The following CCDC144A variants were observed in gnomAD, a reference collection of about 807,000 sequenced individuals.
CCDC144A encodes coiled-coil domain-containing protein 144A.
Under a neutral mutation model 143.8 loss-of-function variants are expected in CCDC144A, and 41 were observed. The ratio of observed to expected loss-of-function variants is 0.29; its 90% confidence interval spans 0.22 to 0.37. The LOEUF is 0.37. Ranked by LOEUF, CCDC144A falls within the 10% of genes least tolerant of loss-of-function variation. CCDC144A has a pLI of 1.00. For missense variants in CCDC144A, 637 were observed against 1,488.8 expected (o/e 0.43, Z 9.41); for synonymous variants, 242 against 517.9 (o/e 0.47, Z 7.23).
intron 12 of CCDC144A, among the ~76,000 whole-genome samples, chr17:16,748,769 GT>G (rs1228361763): frequency 6.6e-6 from 1 of 152,122 alleles, no homozygotes; most frequent in Non-Finnish European, 1.5e-5. Flanking sequence ...TTCAGAGCTT[GT>G]TATTTGTCTG....
At chr17:16,753,434 T>TGTTG (rs1307923345) in intron 12 of CCDC144A, among the ~76,000 whole-genome samples, 43 of 118,568 alleles carry the variant, frequency 3.6e-4, no homozygotes, top group South Asian at 1.5e-3. Flanking sequence ...TGTAGTTTTT[T>TGTTG]TTTTTTTTTT....
rs542925172 is a variant in CCDC144A, at chr17:16,738,662, C to T, written c.3372+3019C>T. ...GCTGAGTAATTTTCCACTGTATGGA[C>T]ATACCACTAATTTATTTAGCCATTC... is the stretch of plus-strand genomic sequence containing the variant. On this transcript the variant is annotated intron_variant, in intron 12 of 16. Coordinates refer to ENST00000399273, the MANE Select transcript of CCDC144A (RefSeq NM_001382000.1). Among the ~76,000 whole-genome samples the T allele has an allele frequency of 3.3e-5, 5 of 152,324 alleles. No individual in the cohort carries two copies. The South Asian group carries it at 1.0e-3, about 32-fold the overall frequency.
chr17:16,744,478 CAT>C (rs200800494), intron 12 of CCDC144A, among the ~76,000 whole-genome samples: 3,980 of 152,174 alleles, frequency 0.026, 94 homozygotes, highest in African/African-American at 0.058. Context: ...AGCATTTTTT[CAT>C]ATGTTTGCTC....
chr17:16,705,026 A>G (rs770536380), intron 2 of CCDC144A, 125 bp from the exon 3 acceptor site: 34 of 778,944 alleles, frequency 4.4e-5, no homozygotes, highest in Non-Finnish European at 5.9e-5. Context: ...GCCTGAATGC[A>G]TAGTGTGTTG....
chr17:16,709,597 C>T lies in CCDC144A; in HGVS notation c.1540C>T (p.Leu514=). 1.2e-6 allele frequency: 2 copies of T among 1,611,502 alleles called. No homozygotes were observed. Among genetic ancestry groups the T allele is most frequent in the Middle Eastern group, 2.3e-4 (1 of 4,426 alleles). ...GGTCAACACATTAGAAGAAGAGTTC[C>T]TGGCTTTGAAGAAAGAAGATGTTCA... ...NEVNTLEEEF[L]ALKKEDVQLH... Residue 514 remains leucine (L), a synonymous_variant, in exon 5 of 17, where the codon CTG becomes TTG. Coordinates refer to ENST00000399273, the MANE Select transcript of CCDC144A (RefSeq NM_001382000.1).
chr17:16,727,747 T>C lies in CCDC144A; in HGVS notation c.2105+7T>C. 1 of 1,600,728 alleles carries C rather than the reference T, an allele frequency of 6.2e-7. No individual in the cohort carries two copies. The highest frequency in any genetic ancestry group is 1.4e-5 in the African/African-American group (1 of 72,044). On this transcript the variant is annotated splice_region_variant and intron_variant, in intron 9 of 16. Coordinates refer to ENST00000399273, the MANE Select transcript of CCDC144A (RefSeq NM_001382000.1). Reference sequence around the variant, plus strand: ...AAGAGCTGTACGATTTGAGGTATGATGTTCTAGTTCTAAAGAAATGTTTAT... The same window carrying C: ...AAGAGCTGTACGATTTGAGGTATGACGTTCTAGTTCTAAAGAAATGTTTAT...
intron 2 of CCDC144A, among the ~76,000 whole-genome samples, chr17:16,698,965 C>T (rs934002433): frequency 2.6e-5 from 4 of 152,166 alleles, no homozygotes; most frequent in Admixed American, 2.6e-4. Context: ...GTGCCTGACT[C>T]CTTTTGTTAG....
chr17:16,668,890 T>C, the CCDC144A span, among the ~76,000 whole-genome samples: 1 of 152,260 alleles, frequency 6.6e-6, no homozygotes, highest in East Asian at 1.9e-4. Context: ...GACCCCACTC[T>C]CATGACCTCA....
At chr17:16,751,215 C>CT (rs1215247196) in intron 12 of CCDC144A, among the ~76,000 whole-genome samples, 2 of 150,914 alleles carry the variant, frequency 1.3e-5, no homozygotes, top group Admixed American at 6.6e-5. Flanking sequence ...TTTTTATGTT[C>CT]TTTTTTTTCT....
the CCDC144A span, among the ~76,000 whole-genome samples, chr17:16,672,208 G>A: frequency 6.6e-6 from 1 of 151,998 alleles, no homozygotes; most frequent in African/African-American, 2.4e-5. Context: ...GACCCTTACT[G>A]GTATCCCTGA....
chr17:16,722,534 C>A (rs1289104858), intron 8 of CCDC144A, among the ~76,000 whole-genome samples: 2 of 151,582 alleles, frequency 1.3e-5, no homozygotes, highest in Non-Finnish European at 2.9e-5. Context: ...CATCCAAAGT[C>A]CATAGTTTAT....
At chr17:16,689,704 T>C (rs1242891816), upstream of CCDC144A, 1 of 152,448 alleles carries the variant, frequency 6.6e-6, no homozygotes, top group Non-Finnish European at 1.5e-5. Flanking sequence ...AGCTGGTCCC[T>C]GGCTCCAGGC....
intron 5 of CCDC144A, 82 bp downstream of exon 5, chr17:16,709,717 T>G (rs1912285733): frequency 2.5e-5 from 37 of 1,492,406 alleles, no homozygotes; most frequent in Non-Finnish European, 3.3e-5. Context: ...GAAAAGCATA[T>G]GAAAAGCATA....
intron 12 of CCDC144A, among the ~76,000 whole-genome samples, chr17:16,757,337 C>T (rs1915139794): frequency 6.6e-6 from 1 of 152,224 alleles, no homozygotes; most frequent in South Asian, 2.1e-4. Context: ...GCAGGCTTGT[C>T]CACAGGTTAA....
chr17:16,708,800 C>A lies in CCDC144A; in HGVS notation c.743C>A (p.Thr248Lys). 2 of 1,611,652 alleles carry A rather than the reference C, an allele frequency of 1.2e-6. No individual in the cohort carries two copies. Among genetic ancestry groups the A allele is most frequent in the Non-Finnish European group, 1.7e-6 (2 of 1,179,708 alleles). ...KGCENKQPQK[T>K]SQEPEMAKDC... ...CTTCCACTTTTGCATCTGCAGAAAA[C>A]GTCTCAAGAACCAGAAATGGCTAAG... Residue 248 changes from threonine to lysine, a missense_variant, in exon 5 of 17, where the codon ACG (threonine) becomes AAG (lysine). By Grantham distance (78) the Thr-to-Lys change is moderately conservative. Transcript: ENST00000399273.
chr17:16,752,453 A>C lies in CCDC144A; in HGVS notation c.3373-8972A>C, dbSNP rs191053796. Among the ~76,000 whole-genome samples the C allele has an allele frequency of 7.8e-3, 1,187 of 151,952 alleles. 15 individuals carry two copies. The highest frequency in any genetic ancestry group is 9.2e-3 in the Non-Finnish European group (624 of 67,964). On this transcript the variant is annotated intron_variant, in intron 12 of 16. Transcript: ENST00000399273. ...TGAACTTGGGCCCTCTCTTCTCGGC[A>C]TTGTGAGAGAGAAAGCTACTCCTCT...
At chr17:16,685,512 C>G (rs1910747732), upstream of CCDC144A, among the ~76,000 whole-genome samples, 1 of 152,022 alleles carries the variant, frequency 6.6e-6, no homozygotes, top group African/African-American at 2.4e-5. Context: ...TCCTGAGTAA[C>G]TGGGATTACA....
the CCDC144A span, among the ~76,000 whole-genome samples, chr17:16,668,030 C>T: frequency 2.7e-5 from 4 of 148,276 alleles, no homozygotes; most frequent in African/African-American, 9.9e-5. Flanking sequence ...CACCATTTTG[C>T]GACATAAAAA....
At chr17:16,771,561 A>T (rs1310815708) in intron 15 of CCDC144A, among the ~76,000 whole-genome samples, 2 of 152,268 alleles carry the variant, frequency 1.3e-5, no homozygotes, top group African/African-American at 4.8e-5. Flanking sequence ...AAAGTGGAGA[A>T]TGGGGAGTTC....
Sources: allele counts gnomAD v4.1 joint callset (sites outside exome capture counted in the v4.1 genomes callset), GRCh38; gene constraint gnomAD v4.1.1; transcripts MANE v1.5; gene names NCBI Gene and HGNC (gene_info 2026-07-23, HGNC 2026-07-21).